SEMA3D: variants seen among roughly 807,000 people sequenced by gnomAD.
The protein encoded by SEMA3D is semaphorin-3D.
In SEMA3D, 84 loss-of-function variants were observed where a neutral mutation model predicts 100.1. The observed-to-expected ratio is 0.84, with a 90% CI of 0.70 to 1.01. SEMA3D has a LOEUF of 1.01. SEMA3D is among the 50% of genes least tolerant of loss of function. SEMA3D has a pLI of 0.00. For synonymous variants in SEMA3D, 312 were observed against 320.7 expected (o/e 0.97, Z 0.29); for missense variants, 875 against 934.1 (o/e 0.94, Z 0.82).
chr7:85,051,960 C>T (rs975449145), intron 9 of SEMA3D, among the ~76,000 whole-genome samples: 5 of 151,878 alleles, frequency 3.3e-5, no homozygotes, highest in African/African-American at 1.2e-4. Context: ...TGAACACTAA[C>T]ATCTACATGG....
chr7:85,031,151 C>T (rs1299978374), intron 12 of SEMA3D, among the ~76,000 whole-genome samples: 3 of 151,974 alleles, frequency 2.0e-5, no homozygotes, highest in Non-Finnish European at 4.4e-5. Flanking sequence ...GTACAGCATT[C>T]TGTCAAAACC....
At chr7:85,220,962 A>G in the SEMA3D span, among the ~76,000 whole-genome samples, 1 of 152,114 alleles carries the variant, frequency 6.6e-6, no homozygotes, top group African/African-American at 2.4e-5. Flanking sequence ...AACTCAGAGC[A>G]GTAAACTGAA....
intron 4 of SEMA3D, among the ~76,000 whole-genome samples, chr7:85,088,678 G>T (rs1788293294): frequency 6.6e-6 from 1 of 152,142 alleles, no homozygotes; most frequent in South Asian, 2.1e-4. Context: ...GTGGGTATTG[G>T]CCTGGCCTAG....
At chr7:85,167,177 C>CTA (rs1790929055) in intron 1 of SEMA3D, 1 of 605,400 alleles carries the variant, frequency 1.7e-6, no homozygotes, top group African/African-American at 2.0e-5. Context: ...ATGCAGGGAG[C>CTA]TATATCAACT....
At chr7:85,225,047 CTT>C in the SEMA3D span, among the ~76,000 whole-genome samples, 2 of 83,454 alleles carry the variant, frequency 2.4e-5, no homozygotes, top group African/African-American at 5.6e-5. Flanking sequence ...TCCTGATTTT[CTT>C]TTATATATAT....
the SEMA3D span, among the ~76,000 whole-genome samples, chr7:85,226,434 T>A: frequency 6.6e-6 from 1 of 152,336 alleles, no homozygotes; most frequent in Admixed American, 6.5e-5. Flanking sequence ...TATGCATTCT[T>A]ATTAAATGAC....
intron 8 of SEMA3D, 38 bp downstream of exon 8, chr7:85,065,386 G>C: frequency 6.3e-7 from 1 of 1,598,174 alleles, no homozygotes; most frequent in Non-Finnish European, 8.6e-7. Flanking sequence ...TTAAACCAAA[G>C]CAAGACAATC....
At chr7:85,007,206 A>T (rs1261286013) in intron 17 of SEMA3D, among the ~76,000 whole-genome samples, 1 of 151,896 alleles carries the variant, frequency 6.6e-6, no homozygotes, top group Non-Finnish European at 1.5e-5. Flanking sequence ...TGTTCATAAT[A>T]TCAAACTCTA....
At chr7:85,075,497 G>T (rs1300814108) in intron 5 of SEMA3D, among the ~76,000 whole-genome samples, 5 of 151,234 alleles carry the variant, frequency 3.3e-5, no homozygotes, top group Non-Finnish European at 5.9e-5. Flanking sequence ...TTATTAAAAT[G>T]GTGCTAGTCC....
chr7:85,129,838 C>T (rs143740672), intron 2 of SEMA3D, among the ~76,000 whole-genome samples: 1 of 152,110 alleles, frequency 6.6e-6, no homozygotes, highest in East Asian at 1.9e-4. Context: ...TAACAGCAAA[C>T]ATTTAATCTA....
the SEMA3D span, among the ~76,000 whole-genome samples, chr7:85,215,916 T>C: frequency 2.6e-5 from 4 of 152,220 alleles, no homozygotes; most frequent in Non-Finnish European, 4.4e-5. Context: ...AAAAGCTAGT[T>C]GTAATGAGAA....
upstream of SEMA3D, among the ~76,000 whole-genome samples, chr7:85,187,606 A>C (rs1354862159): frequency 6.6e-6 from 1 of 152,194 alleles, no homozygotes; most frequent in Non-Finnish European, 1.5e-5. Context: ...CAGACCTACA[A>C]AGAGGTGTGC....
At chr7:85,176,793 T>TATATAG (rs368105010) in intron 1 of SEMA3D, among the ~76,000 whole-genome samples, 58 of 149,972 alleles carry the variant, frequency 3.9e-4, no homozygotes, top group East Asian at 2.2e-3. Flanking sequence ...TATATATATA[T>TATATAG]AGAGAGAGAG....
At chr7:85,047,227 A>C (rs999599576) in intron 9 of SEMA3D, among the ~76,000 whole-genome samples, 9 of 151,950 alleles carry the variant, frequency 5.9e-5, no homozygotes, top group Admixed American at 4.6e-4. Context: ...AATATAGTAC[A>C]TCTGAGTCAT....
At chr7:85,193,984 A>G in the SEMA3D span, among the ~76,000 whole-genome samples, 43 of 152,156 alleles carry the variant, frequency 2.8e-4, no homozygotes, top group African/African-American at 1.0e-3. Flanking sequence ...ACCTGTGATC[A>G]GTATGCCAAG....
At chr7:85,192,617 C>T in the SEMA3D span, among the ~76,000 whole-genome samples, 2 of 152,086 alleles carry the variant, frequency 1.3e-5, no homozygotes, top group Non-Finnish European at 2.9e-5. Flanking sequence ...CACACAGTAA[C>T]ATAGAATCAT....
chr7:85,141,853 C>G (rs1359420589), intron 2 of SEMA3D: 19 of 866,944 alleles, frequency 2.2e-5, no homozygotes, highest in Non-Finnish European at 2.5e-5. Context: ...AAACAAGGGC[C>G]CAGTTTATAA....
intron 2 of SEMA3D, among the ~76,000 whole-genome samples, chr7:85,136,524 A>G (rs1314996310): frequency 1.3e-5 from 2 of 152,142 alleles, no homozygotes; most frequent in Admixed American, 6.6e-5. Flanking sequence ...AACATATTAA[A>G]AAACATTTTT....
chr7:85,193,397 T>C, the SEMA3D span, among the ~76,000 whole-genome samples: 1 of 151,984 alleles, frequency 6.6e-6, no homozygotes. Context: ...GAAAAAAATG[T>C]CCCCTCTGCC....
Sources: gnomAD v4.1 joint callset for allele counts (sites outside exome capture counted in the v4.1 genomes callset) on GRCh38, gnomAD v4.1.1 for gene constraint, MANE v1.5 for transcripts, NCBI Gene and HGNC (gene_info 2026-07-23, HGNC 2026-07-21) for gene names.